The following RARB variants were observed in gnomAD, a reference collection of about 807,000 sequenced individuals.
RARB encodes retinoic acid receptor beta, also known as HBV-activated protein.
Under a neutral mutation model 51.9 loss-of-function variants are expected in RARB, and 17 were observed. The ratio of observed to expected loss-of-function variants is 0.33; its 90% confidence interval spans 0.22 to 0.49. The LOEUF is 0.49. Among genes scored for constraint, RARB ranks in the 20% least tolerant of loss-of-function variants. The pLI, the probability that RARB is intolerant of heterozygous loss-of-function variation, is 0.99. For synonymous variants in RARB, 215 were observed against 195.4 expected, an observed-to-expected ratio of 1.10 and a Z score of -0.84; for missense variants, 369 against 550.8, an observed-to-expected ratio of 0.67 and a Z score of 3.30.
At chr3:25,069,450 T>A (rs1352608776) in intron 3 of RARB, among the ~76,000 whole-genome samples, 2 of 152,170 alleles carry the variant, frequency 1.3e-5, no homozygotes, top group Non-Finnish European at 1.5e-5. Flanking sequence ...TGTACCAAAT[T>A]TATATGCTGG....
intron 5 of RARB, among the ~76,000 whole-genome samples, chr3:25,354,127 T>G (rs1035725307): frequency 1.3e-5 from 2 of 151,664 alleles, no homozygotes; most frequent in Admixed American, 6.6e-5. Flanking sequence ...TAACATAGTT[T>G]CCTTTCCCAG....
chr3:24,991,781 T>G, intron 2 of RARB, among the ~76,000 whole-genome samples: 1 of 151,310 alleles, frequency 6.6e-6, no homozygotes, highest in Non-Finnish European at 1.5e-5. Flanking sequence ...TTTCCCTCCC[T>G]GCTCCCCTTA....
At chr3:25,386,036 T>G (rs1043102314) in intron 5 of RARB, among the ~76,000 whole-genome samples, 3 of 152,184 alleles carry the variant, frequency 2.0e-5, no homozygotes, top group Non-Finnish European at 4.4e-5. Context: ...CTCTTTAGCT[T>G]AAGCTGATTT....
chr3:25,123,358 G>C (rs1189611185), intron 3 of RARB, among the ~76,000 whole-genome samples: 1 of 152,132 alleles, frequency 6.6e-6, no homozygotes, highest in Admixed American at 6.6e-5. Flanking sequence ...GGTTTCTTTG[G>C]CAATATGATT....
chr3:25,205,510 C>T (rs983254169), intron 5 of RARB, among the ~76,000 whole-genome samples: 4 of 152,094 alleles, frequency 2.6e-5, no homozygotes, highest in South Asian at 2.1e-4. Context: ...TTGTCTTCTG[C>T]GTTGCTCACT....
intron 2 of RARB, among the ~76,000 whole-genome samples, chr3:25,045,219 T>G (rs1457187109): frequency 6.6e-6 from 1 of 152,174 alleles, no homozygotes; most frequent in African/African-American, 2.4e-5. Context: ...AAGGAGAGTC[T>G]TAAACCTCTG....
In RARB at chr3:25,522,049, A is replaced by G. The variant is rs147255451; in HGVS notation, c.448+20726A>G. On this transcript the variant is annotated intron_variant, in intron 3 of 7. Transcript: ENST00000330688. ...CTGAACATTTTTGTCATGGCGTGCTATAAAAGAGTATCATCATTTTAGAGA... is the reference window on the plus strand; with the variant it reads ...CTGAACATTTTTGTCATGGCGTGCTGTAAAAGAGTATCATCATTTTAGAGA... Among the ~76,000 whole-genome samples, 137 of 152,118 alleles carry G rather than the reference A, an allele frequency of 9.0e-4. 1 individual carries two copies. The highest frequency in any genetic ancestry group is 3.3e-3 in the African/African-American group (135 of 41,492).
intron 5 of RARB, among the ~76,000 whole-genome samples, chr3:25,333,063 G>T (rs1458380655): frequency 1.3e-5 from 2 of 152,186 alleles, no homozygotes; most frequent in Non-Finnish European, 2.9e-5. Flanking sequence ...CATGCTCATG[G>T]ATAGGAAGAA....
intron 1 of RARB, among the ~76,000 whole-genome samples, chr3:25,455,635 CAT>C (rs1244738305): frequency 2.6e-5 from 4 of 152,198 alleles, no homozygotes; most frequent in African/African-American, 7.2e-5. Context: ...TGTCTCCACT[CAT>C]GTGCGCAGTT....
intron 5 of RARB, among the ~76,000 whole-genome samples, chr3:25,286,906 AT>A (rs1473802405): frequency 1.3e-5 from 2 of 152,178 alleles, no homozygotes; most frequent in Non-Finnish European, 2.9e-5. Context: ...CAAGATATCT[AT>A]TTTACAAGAA....
At chr3:25,528,534 A>T (rs1302830019) in intron 3 of RARB, among the ~76,000 whole-genome samples, 1 of 151,742 alleles carries the variant, frequency 6.6e-6, no homozygotes, top group African/African-American at 2.4e-5. Context: ...CCTCTGGAGG[A>T]GGAGTAGAAG....
intron 2 of RARB, among the ~76,000 whole-genome samples, chr3:25,002,627 G>A (rs1317196929): frequency 1.3e-5 from 2 of 151,966 alleles, no homozygotes; most frequent in Admixed American, 6.6e-5. Context: ...TAATACATTG[G>A]CATATTTTCT....
intron 5 of RARB, among the ~76,000 whole-genome samples, chr3:25,180,345 G>T (rs1700837014): frequency 6.6e-6 from 1 of 152,156 alleles, no homozygotes; most frequent in South Asian, 2.1e-4. Context: ...TTTAAAAAGA[G>T]CATTTTGACC....
chr3:25,135,868 C>G (rs2083084066), intron 4 of RARB, among the ~76,000 whole-genome samples: 2 of 151,916 alleles, frequency 1.3e-5, no homozygotes, highest in Admixed American at 1.3e-4. Context: ...GTCACAACAT[C>G]ATGAACAGTA....
intron 2 of RARB, among the ~76,000 whole-genome samples, chr3:24,919,573 G>T (rs527759811): frequency 1.3e-5 from 2 of 152,042 alleles, no homozygotes; most frequent in Non-Finnish European, 2.9e-5. Flanking sequence ...CCACGTGGCT[G>T]CACTGGAATC....
intron 5 of RARB, among the ~76,000 whole-genome samples, chr3:25,213,056 C>G (rs1458771157): frequency 2.0e-5 from 3 of 152,034 alleles, no homozygotes; most frequent in Non-Finnish European, 1.5e-5. Context: ...CTTTTTTTTC[C>G]TTGCTCACAA....
chr3:25,084,795 G>A (rs977985810), intron 3 of RARB, among the ~76,000 whole-genome samples: 3 of 150,376 alleles, frequency 2.0e-5, no homozygotes, highest in Non-Finnish European at 4.4e-5. Context: ...TTTTTAATAT[G>A]TATATTTATT....
At chr3:25,093,091 T>G (rs1359978387) in intron 3 of RARB, among the ~76,000 whole-genome samples, 1 of 152,164 alleles carries the variant, frequency 6.6e-6, no homozygotes, top group Admixed American at 6.5e-5. Context: ...CATGCTCTGG[T>G]ACAGGTGGGA....
chr3:25,028,162 C>T (rs1697791040), intron 2 of RARB, among the ~76,000 whole-genome samples: 2 of 152,130 alleles, frequency 1.3e-5, no homozygotes, highest in Non-Finnish European at 2.9e-5. Context: ...GTTCCCTAGA[C>T]CAGCAATGTC....
Sources: allele counts gnomAD v4.1 joint callset (sites outside exome capture counted in the v4.1 genomes callset), GRCh38; gene constraint gnomAD v4.1.1; transcripts MANE v1.5; gene names NCBI Gene and HGNC (gene_info 2026-07-23, HGNC 2026-07-21).